Variants in PON1 observed in about 807,000 individuals in gnomAD.
The protein encoded by PON1 is paraoxonase 1, also known as serum paraoxonase/arylesterase 1.
In PON1, 37 loss-of-function variants were observed where a neutral mutation model predicts 39.2. The ratio of observed to expected loss-of-function variants is 0.94; its 90% CI spans 0.73 to 1.24. The LOEUF (loss-of-function observed/expected upper bound fraction) is 1.24. Ranked by LOEUF, PON1 falls within the 50% of genes most tolerant of loss-of-function variation. The pLI, the probability that PON1 is intolerant of heterozygous loss-of-function variation, is 0.00. For missense variants in PON1, 397 were observed against 413.5 expected (o/e 0.96, Z 0.35); for synonymous variants, 148 against 152.2 (o/e 0.97, Z 0.21).
chr7:95,303,815 G>A (rs1291688877), intron 7 of PON1, among the ~76,000 whole-genome samples: 1 of 152,108 alleles, frequency 6.6e-6, no homozygotes, highest in African/African-American at 2.4e-5. Flanking sequence ...GCATTCCTTG[G>A]TCAAGAAAAC....
intron 6 of PON1, 69 bp from the exon 7 acceptor site, chr7:95,306,435 T>C: frequency 9.1e-7 from 1 of 1,099,366 alleles, no homozygotes; most frequent in Non-Finnish European, 1.4e-6. Flanking sequence ...GATGAAGTTG[T>C]AATACCTATT....
intron 2 of PON1, 122 bp downstream of exon 2, chr7:95,318,201 C>T: frequency 1.3e-6 from 1 of 777,296 alleles, no homozygotes; most frequent in Non-Finnish European, 2.2e-6. Flanking sequence ...TCATTAACTA[C>T]CACTGACTCT....
At chr7:95,324,347 G>A in intron 1 of PON1, 55 bp downstream of exon 1, 6 of 1,551,662 alleles carry the variant, frequency 3.9e-6, no homozygotes, top group East Asian at 2.2e-5. Context: ...GGCTCGTGGA[G>A]CTGGCAGGGA....
intron 7 of PON1, 167 bp from the exon 8 acceptor site, chr7:95,302,500 C>G: frequency 3.2e-6 from 2 of 632,446 alleles, no homozygotes; most frequent in South Asian, 1.9e-5. Flanking sequence ...TTTCTCTGAC[C>G]TTTCATCTAT....
chr7:95,307,544 C>G (rs1489927902), intron 6 of PON1, among the ~76,000 whole-genome samples: 1 of 152,172 alleles, frequency 6.6e-6, no homozygotes, highest in Non-Finnish European at 1.5e-5. Flanking sequence ...CATTATAAAT[C>G]AAATACATCA....
At chr7:95,322,631 AATGTAGGGACAAGGAAGTT>A (rs1468942971) in intron 1 of PON1, among the ~76,000 whole-genome samples, 5 of 152,136 alleles carry the variant, frequency 3.3e-5, no homozygotes, top group Admixed American at 3.3e-4. Flanking sequence ...TGCAATTAGC[AATGTAGGGACAAGGAAGTT>A]GCCATACAGA....
At chr7:95,309,755 G>A (rs902359193) in intron 5 of PON1, among the ~76,000 whole-genome samples, 6 of 152,076 alleles carry the variant, frequency 3.9e-5, no homozygotes, top group African/African-American at 1.4e-4. Context: ...TTCACACCAT[G>A]CCTGGCATAC....
intron 5 of PON1, among the ~76,000 whole-genome samples, chr7:95,309,497 T>A (rs773638893): frequency 6.6e-6 from 1 of 152,282 alleles, no homozygotes; most frequent in East Asian, 1.9e-4. Context: ...TAGCTTTTTA[T>A]TGCTGAAAAT....
At chr7:95,307,312 C>G (rs1451065713) in intron 6 of PON1, among the ~76,000 whole-genome samples, 2 of 152,050 alleles carry the variant, frequency 1.3e-5, no homozygotes, top group African/African-American at 4.8e-5. Context: ...CTTGGCCTCC[C>G]GAAGTGCTAG....
chr7:95,316,853 CT>C (rs1485890602), intron 2 of PON1, 64 bp from the exon 3 acceptor site: 2 of 1,222,208 alleles, frequency 1.6e-6, no homozygotes, highest in Non-Finnish European at 2.4e-6. Context: ...GGATCCATTT[CT>C]TTATCACACC....
At chr7:95,302,135 A>AAAAAAAAAATT in intron 8 of PON1, 70 bp downstream of exon 8, 1 of 1,109,052 alleles carries the variant, frequency 9.0e-7, no homozygotes, top group Non-Finnish European at 1.3e-6. Flanking sequence ...AGAATTGAGA[A>AAAAAAAAAATT]TTATGTTGTC....
chr7:95,304,910 G>A (rs145752829), intron 7 of PON1, among the ~76,000 whole-genome samples: 2 of 152,296 alleles, frequency 1.3e-5, no homozygotes, highest in Non-Finnish European at 2.9e-5. Context: ...GCAGAGCCTT[G>A]ACATTCTGTG....
At chr7:95,322,447 A>ATT (rs1807920087) in intron 1 of PON1, among the ~76,000 whole-genome samples, 1 of 151,978 alleles carries the variant, frequency 6.6e-6, no homozygotes, top group Non-Finnish European at 1.5e-5. Context: ...TGGTAAAATA[A>ATT]CTTGAAAGTT....
chr7:95,313,412 T>C (rs777392100), intron 4 of PON1, among the ~76,000 whole-genome samples: 1 of 152,224 alleles, frequency 6.6e-6, no homozygotes, highest in Non-Finnish European at 1.5e-5. Flanking sequence ...GCAAATGTGC[T>C]ATATATAAAG....
At chr7:95,299,136 G>A (rs1563593160) in intron 8 of PON1, 34 bp from the exon 9 acceptor site, 1 of 1,605,324 alleles carries the variant, frequency 6.2e-7, no homozygotes, top group Admixed American at 1.7e-5. Flanking sequence ...TAATATTTTT[G>A]TTAAGTCACT....
rs945822797 is a variant in PON1, at chr7:95,306,152, C to T, written c.780+133G>A. The T allele has an allele frequency of 7.8e-6, 6 of 764,542 alleles. No individual in the cohort carries two copies. The Admixed American group carries it at 1.1e-4, about 14-fold the overall frequency. 47.4% of individuals were successfully genotyped at this position (764,542 alleles called of 1,614,324 possible). A position where few individuals can be genotyped will look rare whatever the true frequency, so the allele number is the denominator to read the frequency against. On this transcript the variant is annotated intron_variant, in intron 7 of 8. Coordinates refer to ENST00000222381, the MANE Select transcript of PON1 (RefSeq NM_000446.7). ...AACAAACACATAACCAAGCTAATGA[C>T]TCTTAATAAAGGAGTGAAAAATTGG...
chr7:95,316,178 C>G (rs1041378660), intron 3 of PON1, among the ~76,000 whole-genome samples: 1 of 152,282 alleles, frequency 6.6e-6, no homozygotes, highest in African/African-American at 2.4e-5. Context: ...GATCCCTAGG[C>G]CAGATGGTGG....
At chr7:95,315,980 C>T (rs1038391209) in intron 3 of PON1, among the ~76,000 whole-genome samples, 2 of 152,094 alleles carry the variant, frequency 1.3e-5, no homozygotes, top group African/African-American at 2.4e-5. Flanking sequence ...ATATTGTGTT[C>T]CCATATAAGA....
At chr7:95,322,313 T>G (rs1807914349) in intron 1 of PON1, among the ~76,000 whole-genome samples, 1 of 115,082 alleles carries the variant, frequency 8.7e-6, no homozygotes, top group Non-Finnish European at 1.7e-5. Flanking sequence ...ATGTTTTATA[T>G]AAATATAAAT....
Sources: gnomAD v4.1 joint callset for allele counts (sites outside exome capture counted in the v4.1 genomes callset) on GRCh38, gnomAD v4.1.1 for gene constraint, MANE v1.5 for transcripts, NCBI Gene and HGNC (gene_info 2026-07-23, HGNC 2026-07-21) for gene names.